ZNF865: variants seen among roughly 807,000 people sequenced by gnomAD.
ZNF865 encodes zinc finger protein 865.
For synonymous variants in ZNF865, 763 were observed against 750.8 expected (o/e 1.02, Z -0.27); for missense variants, 1,311 against 1,593.4 (o/e 0.82, Z 3.02).
intron 1 of ZNF865, among the ~76,000 whole-genome samples, chr19:55,606,713 C>T (rs1980957286): frequency 6.6e-6 from 1 of 152,246 alleles, no homozygotes; most frequent in African/African-American, 2.4e-5. Flanking sequence ...CGTAGGCATT[C>T]CTTCTGCGTT....
Position 55,614,888 on chromosome 19 carries a change from A to G in ZNF865, c.1270A>G (p.Lys424Glu). The change falls in exon 2 of 2, where the codon AAG becomes GAG. Residue 424 changes from lysine (K) to glutamate (E), a missense_variant. Physicochemically the swap from Lys to Glu is moderately conservative, Grantham distance 56. Coordinates refer to ENST00000568956, the MANE Select transcript of ZNF865 (RefSeq NM_001195605.2). This position sits in a 1 kb window ranked among gnomAD's most constrained non-coding sequence, Gnocchi z 8.0. The stretch of plus-strand genomic sequence containing the variant: ...CTTCCGCGACGCCTCCTACCTCCTC[A>G]AGCACCAGGCGGCCCACGCGGGGGC... ...KAFRDASYLLKHQAAHAGAGA... is the reference protein window; with the variant it reads ...KAFRDASYLLEHQAAHAGAGA... The G allele has an allele frequency of 6.7e-7, 1 of 1,500,800 alleles. No individual in the cohort carries two copies. The highest frequency in any genetic ancestry group is 8.9e-7 in the Non-Finnish European group (1 of 1,129,004). 93.0% of individuals were successfully genotyped at this position (1,500,800 alleles called of 1,614,324 possible).
In ZNF865 at chr19:55,614,493, C is replaced by A. The variant is rs1475426409; in HGVS notation, c.875C>A (p.Pro292Gln). The part of the protein sequence containing the change: ...GGPPQPGPHL[P>Q]PLGLPAPAAS... ...CCGCCCCAGCCCGGCCCCCACCTCC[C>A]GCCGCTGGGCCTCCCAGCACCCGCT... The change falls in exon 2 of 2, where the codon CCG becomes CAG. Residue 292 changes from proline (P) to glutamine (Q), a missense_variant. Physicochemically the swap from Pro to Gln is moderately conservative, Grantham distance 76. Transcript: ENST00000568956. This position sits in a 1 kb window ranked among gnomAD's most constrained non-coding sequence, Gnocchi z 8.0. 3 of 1,354,382 alleles carry A rather than the reference C, an allele frequency of 2.2e-6. No individual in the cohort carries two copies. Among genetic ancestry groups the A allele is most frequent in the African/African-American group, 3.1e-5 (2 of 64,730 alleles). The allele number at this position is 1,354,382 out of a possible 1,614,324, so 83.9% of individuals were successfully genotyped here. A position where few individuals can be genotyped will look rare whatever the true frequency, so the allele number is the denominator to read the frequency against.
chr19:55,616,848 A>G lies in ZNF865; in HGVS notation c.*50A>G, dbSNP rs1312176989. Reference sequence around the variant, plus strand: ...ATCAAAAGCCCCCTTCTGGACTCCCACCTCCCAGGACTGATCAGACTCTTC... The same window carrying G: ...ATCAAAAGCCCCCTTCTGGACTCCCGCCTCCCAGGACTGATCAGACTCTTC... On this transcript the variant is annotated 3_prime_UTR_variant, in exon 2 of 2. Coordinates refer to ENST00000568956, the MANE Select transcript of ZNF865 (RefSeq NM_001195605.2). The G allele has an allele frequency of 6.6e-5, 93 of 1,408,482 alleles. No individual in the cohort carries two copies. The highest frequency in any genetic ancestry group is 2.9e-5 in the Non-Finnish European group (31 of 1,082,766). 87.2% of individuals were successfully genotyped at this position (1,408,482 alleles called of 1,614,324 possible).
At chr19:55,610,893 C>T (rs1180249383) in intron 1 of ZNF865, among the ~76,000 whole-genome samples, 3 of 152,126 alleles carry the variant, frequency 2.0e-5, no homozygotes, top group Non-Finnish European at 4.4e-5. Flanking sequence ...TGAAATCTGG[C>T]GAAGAACACT....
rs1005493440 is a variant in ZNF865 at position 55,615,090 on chromosome 19, C to T, written c.1472C>T (p.Pro491Leu). 1.7e-6 allele frequency: 2 copies of T among 1,205,374 alleles called. No individual in the cohort carries two copies. The highest frequency in any genetic ancestry group is 2.1e-6 in the Non-Finnish European group (2 of 969,168). The allele number at this position is 1,205,374 out of a possible 1,614,324, so 74.7% of individuals were successfully genotyped here. The change falls in exon 2 of 2, where the codon CCG becomes CTG. Residue 491 changes from proline to leucine, a missense_variant. By Grantham distance (98) the Pro-to-Leu change is moderately conservative (BLOSUM62 -3). Transcript: ENST00000568956. Reference protein sequence around the residue: ...PQPPPTFPPGPYLLPPDPPTT... With the variant: ...PQPPPTFPPGLYLLPPDPPTT... ...CCCCCGCCCACCTTCCCCCCGGGCC[C>T]GTACCTCCTGCCCCCCGACCCTCCC... is the stretch of plus-strand genomic sequence containing the variant.
chr19:55,615,887 G>A lies in ZNF865; in HGVS notation c.2269G>A (p.Val757Met), dbSNP rs774471136. ...GCTGGACAACGGGCTGGCGGGGGAG[G>A]TGGGGGCGGCCGTGGCGGCACTGGC... ...SVLDNGLAGEVGAAVAALAGV... is the reference protein window; with the variant it reads ...SVLDNGLAGEMGAAVAALAGV... The change falls in exon 2 of 2, where the codon GTG becomes ATG. Residue 757 changes from valine to methionine, a missense_variant. Coordinates refer to ENST00000568956, the MANE Select transcript of ZNF865 (RefSeq NM_001195605.2). 12 of 1,476,024 alleles carry A rather than the reference G, an allele frequency of 8.1e-6. No homozygotes were observed. Among genetic ancestry groups the A allele is most frequent in the South Asian group, 6.7e-5 (5 of 74,968 alleles). 91.4% of individuals were successfully genotyped at this position (1,476,024 alleles called of 1,614,324 possible). A position where few individuals can be genotyped will look rare whatever the true frequency, so the allele number is the denominator to read the frequency against.
At chr19:55,607,263 C>T (rs1004986123) in intron 1 of ZNF865, among the ~76,000 whole-genome samples, 2 of 152,008 alleles carry the variant, frequency 1.3e-5, no homozygotes, top group African/African-American at 4.8e-5. Context: ...GAATCCCTGT[C>T]CTCATGGAGT....
At position 55,616,872 on chromosome 19, in the gene ZNF865, T is replaced by TC; in HGVS notation, c.*80dup. The TC allele has an allele frequency of 7.4e-7, 1 of 1,359,436 alleles. No individual in the cohort carries two copies. The highest frequency in any genetic ancestry group is 9.5e-7 in the Non-Finnish European group (1 of 1,048,822). The allele number at this position is 1,359,436 out of a possible 1,614,324, so 84.2% of individuals were successfully genotyped here. ...CACCTCCCAGGACTGATCAGACTCT[T>TC]CCCCCCTCCTCGCTGTTGCCCCATC... is the stretch of plus-strand genomic sequence containing the variant. On this transcript the variant is annotated 3_prime_UTR_variant, in exon 2 of 2. Transcript: ENST00000568956.
At chr19:55,609,180 G>A (rs1320235919) in intron 1 of ZNF865, among the ~76,000 whole-genome samples, 3 of 152,036 alleles carry the variant, frequency 2.0e-5, no homozygotes, top group Non-Finnish European at 4.4e-5. Context: ...CACCACACCC[G>A]GCTAATTTTT....
chr19:55,615,752 C>T lies in ZNF865; in HGVS notation c.2134C>T (p.Leu712Phe). The change falls in exon 2 of 2, where the codon CTC becomes TTC. Residue 712 changes from leucine (L) to phenylalanine (F), a missense_variant. By Grantham distance (22) the Leu-to-Phe change is conservative. Coordinates refer to ENST00000568956, the MANE Select transcript of ZNF865 (RefSeq NM_001195605.2). ...CAAGACCTTCGGCTTCATCGAGAAC[C>T]TCATGTGGCACAAGCTGGTCCACCA... ...CGKTFGFIEN[L>F]MWHKLVHQAA... 6.5e-7 allele frequency: 1 copy of T among 1,532,246 alleles called. No individual in the cohort carries two copies. The highest frequency in any genetic ancestry group is 8.7e-7 in the Non-Finnish European group (1 of 1,145,218). 94.9% of individuals were successfully genotyped at this position (1,532,246 alleles called of 1,614,324 possible).
chr19:55,607,439 GAAA>G (rs112301848), intron 1 of ZNF865, among the ~76,000 whole-genome samples: 2 of 78,410 alleles, frequency 2.6e-5, no homozygotes, highest in Non-Finnish European at 2.5e-5. Flanking sequence ...GTCTTTACAG[GAAA>G]AAAAAAAAAA....
In ZNF865 at chr19:55,616,398, C is replaced by T; in HGVS notation, c.2780C>T (p.Ala927Val). ...SSLAEHRRLH[A>V]VARPQRCSAC... is the part of the protein sequence containing the mutation. Reference sequence around the variant, plus strand: ...CTGGCAGAGCACCGGCGGCTGCACGCTGTGGCCCGGCCCCAGCGCTGCAGC... The same window carrying T: ...CTGGCAGAGCACCGGCGGCTGCACGTTGTGGCCCGGCCCCAGCGCTGCAGC... Residue 927 changes from alanine (A) to valine (V), a missense_variant, in exon 2 of 2, where the codon GCT (alanine) becomes GTT (valine). Transcript: ENST00000568956. 2 of 1,505,520 alleles carry T rather than the reference C, an allele frequency of 1.3e-6. No homozygotes were observed. The highest frequency in any genetic ancestry group is 1.8e-6 in the Non-Finnish European group (2 of 1,133,312). The allele number at this position is 1,505,520 out of a possible 1,614,324, so 93.3% of individuals were successfully genotyped here.
Position 55,611,980 on chromosome 19 carries a change from G to A in ZNF865, c.-26-1613G>A, listed in dbSNP as rs1195647326. Among the ~76,000 whole-genome samples the A allele has an allele frequency of 6.6e-6, 1 of 152,148 alleles. No homozygotes were observed. Among genetic ancestry groups the A allele is most frequent in the Non-Finnish European group, 1.5e-5 (1 of 68,026 alleles). ...GGTGCCAGAGAATGATGCCGGGGGT[G>A]GAGGGTCAGGAGAAGCCCCACTAAG... On this transcript the variant is annotated intron_variant, in intron 1 of 1. Coordinates refer to ENST00000568956, the MANE Select transcript of ZNF865 (RefSeq NM_001195605.2). The surrounding 1 kb of genome is among the most constrained non-coding windows in gnomAD (Gnocchi z 4.5).
At position 55,614,129 on chromosome 19, in the gene ZNF865, C is replaced by A; in HGVS notation, c.511C>A (p.Pro171Thr). 2 of 1,434,982 alleles carry A rather than the reference C, an allele frequency of 1.4e-6. No homozygotes were observed. Among genetic ancestry groups the A allele is most frequent in the East Asian group, 5.3e-5 (2 of 37,666 alleles). The allele number at this position is 1,434,982 out of a possible 1,614,324, so 88.9% of individuals were successfully genotyped here. A position where few individuals can be genotyped will look rare whatever the true frequency, so the allele number is the denominator to read the frequency against. ...GAAGCGAGGAGGGCCCGCGTCCGGG[C>A]CGGGGGTGACGCCTGGGCTGGGCGC... The part of the protein sequence containing the change: ...NLKRGGPASG[P>T]GVTPGLGAPA... Residue 171 changes from proline to threonine, a missense_variant, in exon 2 of 2, where the codon CCG (proline) becomes ACG (threonine). Coordinates refer to ENST00000568956, the MANE Select transcript of ZNF865 (RefSeq NM_001195605.2). The surrounding 1 kb of genome is among the most constrained non-coding windows in gnomAD (Gnocchi z 8.0).
At position 55,611,476 on chromosome 19, in the gene ZNF865, AC is replaced by A. The variant is rs1981132434; in HGVS notation, c.-26-2113del. Among the ~76,000 whole-genome samples, 1 of 151,400 alleles carries A rather than the reference AC, an allele frequency of 6.6e-6. No individual in the cohort carries two copies. Among genetic ancestry groups the A allele is most frequent in the Non-Finnish European group, 1.5e-5 (1 of 67,870 alleles). On this transcript the variant is annotated intron_variant, in intron 1 of 1. Coordinates refer to ENST00000568956, the MANE Select transcript of ZNF865 (RefSeq NM_001195605.2). This position sits in a 1 kb window ranked among gnomAD's most constrained non-coding sequence, Gnocchi z 4.5. ...TTCCACCTACAGCCTTCCAATTACC[AC>A]CCCAGCCAAGCCTGTCCTCTTTCCG...
intron 1 of ZNF865, among the ~76,000 whole-genome samples, chr19:55,607,318 G>A (rs1980979008): frequency 6.6e-6 from 1 of 152,014 alleles, no homozygotes; most frequent in Admixed American, 6.6e-5. Context: ...ACAAAATACA[G>A]GCCAGGCGAG....
chr19:55,615,782 G>T lies in ZNF865; in HGVS notation c.2164G>T (p.Ala722Ser). The stretch of plus-strand genomic sequence containing the variant: ...GTGGCACAAGCTGGTCCACCAGGCC[G>T]CCCCCGAGCGCCTGCTCCCGCCCGC... ...LMWHKLVHQA[A>S]PERLLPPAPG... The change falls in exon 2 of 2, where the codon GCC (alanine) becomes TCC (serine). Residue 722 changes from alanine (A) to serine (S), a missense_variant. Physicochemically the swap from Ala to Ser is moderately conservative, Grantham distance 99. Transcript: ENST00000568956. 1 of 1,521,120 alleles carries T rather than the reference G, an allele frequency of 6.6e-7. No individual in the cohort carries two copies. The highest frequency in any genetic ancestry group is 2.5e-5 in the East Asian group (1 of 39,852). The allele number at this position is 1,521,120 out of a possible 1,614,324, so 94.2% of individuals were successfully genotyped here. A position where few individuals can be genotyped will look rare whatever the true frequency, so the allele number is the denominator to read the frequency against.
rs1324723036 is a variant in ZNF865 at position 55,616,499 on chromosome 19, C to A, written c.2881C>A (p.Arg961Ser). 2.6e-6 allele frequency: 4 copies of A among 1,534,362 alleles called. No individual in the cohort carries two copies. The highest frequency in any genetic ancestry group is 3.5e-6 in the Non-Finnish European group (4 of 1,146,056). The change falls in exon 2 of 2, where the codon CGC becomes AGC. Residue 961 changes from arginine (R) to serine (S), a missense_variant. Transcript: ENST00000568956. The part of the protein sequence containing the change: ...QRLHLGERAY[R>S]CEHCGKGFFY... ...GCTGCACCTGGGCGAGCGCGCCTACCGCTGTGAGCACTGCGGCAAGGGCTT... is the reference window on the plus strand; with the variant it reads ...GCTGCACCTGGGCGAGCGCGCCTACAGCTGTGAGCACTGCGGCAAGGGCTT...
At chr19:55,610,122 G>A (rs770786554) in intron 1 of ZNF865, among the ~76,000 whole-genome samples, 7 of 152,164 alleles carry the variant, frequency 4.6e-5, no homozygotes, top group Admixed American at 6.5e-5. Context: ...TAGTCTCATC[G>A]CTTTGTTCAT....
Sources: gnomAD v4.1 joint callset for allele counts (sites outside exome capture counted in the v4.1 genomes callset) on GRCh38, gnomAD v4.1.1 for gene constraint, Gnocchi (gnomAD v3.1) non-coding constraint, MANE v1.5 for transcripts, NCBI Gene and HGNC (gene_info 2026-07-23, HGNC 2026-07-21) for gene names.